Variants in ADGRD1 observed in about 807,000 individuals in gnomAD.
The protein encoded by ADGRD1 is adhesion G protein-coupled receptor D1.
In ADGRD1, 77 loss-of-function variants were observed where a neutral mutation model predicts 113.4. That is an observed-to-expected ratio of 0.68 (90% confidence interval 0.57 to 0.82). ADGRD1 has a LOEUF of 0.82. Ranked by LOEUF, ADGRD1 falls within the 40% of genes least tolerant of loss-of-function variation. The pLI is 0.00. For missense variants in ADGRD1, 1,036 were observed against 1,139.1 expected, an observed-to-expected ratio of 0.91 and a Z score of 1.30; for synonymous variants, 474 against 475.0, an observed-to-expected ratio of 1.00 and a Z score of 0.03.
chr12:131,015,958 A>G (rs1878522383), intron 13 of ADGRD1, among the ~76,000 whole-genome samples: 1 of 152,216 alleles, frequency 6.6e-6, no homozygotes, highest in African/African-American at 2.4e-5. Context: ...GCCTGTCGGC[A>G]GATGTCTAGC....
intron 13 of ADGRD1, among the ~76,000 whole-genome samples, chr12:131,015,231 A>G (rs2136821597): frequency 6.6e-6 from 1 of 152,372 alleles, no homozygotes; most frequent in African/African-American, 2.4e-5. Flanking sequence ...GGAGGGGCCC[A>G]CACACTTGTG....
At position 131,055,073 on chromosome 12, in the gene ADGRD1, CT is replaced by C. The variant is rs373579042; in HGVS notation, c.1474-21723del. On this transcript the variant is annotated intron_variant, in intron 13 of 24. Coordinates refer to ENST00000261654, the MANE Select transcript of ADGRD1 (RefSeq NM_198827.5). ...ATTTAAGTTTTGAACTTGGCCATAT[CT>C]TTTTAGTTTGGAAAGTTAGATTTTA... 3.3e-3 allele frequency among the ~76,000 whole-genome samples: 500 copies of C among 152,264 alleles called. 7 individuals are homozygous for C. Among genetic ancestry groups the C allele is most frequent in the African/African-American group, 0.01 (424 of 41,526 alleles).
At chr12:131,121,396 G>GT (rs935059815) in intron 20 of ADGRD1, among the ~76,000 whole-genome samples, 2 of 152,104 alleles carry the variant, frequency 1.3e-5, no homozygotes, top group Non-Finnish European at 2.9e-5. Context: ...TTTTGTTATT[G>GT]TTTTTTTGAG....
chr12:131,105,535 C>T (rs1167438034), intron 16 of ADGRD1, among the ~76,000 whole-genome samples: 13 of 152,208 alleles, frequency 8.5e-5, no homozygotes, highest in Non-Finnish European at 1.6e-4. Context: ...AGAGCCATGG[C>T]CCAGGGTCAG....
chr12:130,960,779 T>C (rs1402357525), intron 2 of ADGRD1, among the ~76,000 whole-genome samples: 3 of 151,642 alleles, frequency 2.0e-5, no homozygotes, highest in South Asian at 2.1e-4. Flanking sequence ...CACACAAATA[T>C]ACTAACAAAA....
chr12:131,013,906 G>A (rs11061279), intron 12 of ADGRD1, among the ~76,000 whole-genome samples: 28,410 of 152,156 alleles, frequency 0.19, 3,453 homozygotes, highest in African/African-American at 0.35. Context: ...CTTTGAGGTC[G>A]AGGGCTCTGT....
intron 13 of ADGRD1, among the ~76,000 whole-genome samples, chr12:131,019,408 C>T (rs549100479): frequency 1.1e-4 from 16 of 152,336 alleles, no homozygotes; most frequent in East Asian, 9.6e-4. Flanking sequence ...TTCGACACGA[C>T]GATCGGTCAG....
At position 130,965,721 on chromosome 12, in the gene ADGRD1, A is replaced by G. The variant is rs1372971579; in HGVS notation, c.104-742A>G. Among the ~76,000 whole-genome samples the G allele has an allele frequency of 6.6e-6, 1 of 152,270 alleles. No individual in the cohort carries two copies. The highest frequency in any genetic ancestry group is 1.5e-5 in the Non-Finnish European group (1 of 68,058). Reference sequence around the variant, plus strand: ...AAAGAAATAATTCATATAGCATTCAATGAGAAGAGCAGAATAGAAAATAAC... The same window carrying G: ...AAAGAAATAATTCATATAGCATTCAGTGAGAAGAGCAGAATAGAAAATAAC... On this transcript the variant is annotated intron_variant, in intron 2 of 24. Coordinates refer to ENST00000261654, the MANE Select transcript of ADGRD1 (RefSeq NM_198827.5). The surrounding 1 kb of genome is among the most constrained non-coding windows in gnomAD (Gnocchi z 4.8).
intron 5 of ADGRD1, among the ~76,000 whole-genome samples, chr12:130,982,799 C>T (rs1027458318): frequency 6.6e-6 from 1 of 151,878 alleles, no homozygotes; most frequent in African/African-American, 2.4e-5. Context: ...CAGAGGCTGA[C>T]GAAGGTCTGA....
chr12:131,045,963 C>G (rs367837732), intron 13 of ADGRD1, among the ~76,000 whole-genome samples: 8 of 151,706 alleles, frequency 5.3e-5, no homozygotes, highest in Non-Finnish European at 1.0e-4. Flanking sequence ...CCTCCCTGGT[C>G]AGTGTCCTCC....
chr12:131,126,292 G>C (rs949349545), intron 20 of ADGRD1, among the ~76,000 whole-genome samples: 5 of 152,132 alleles, frequency 3.3e-5, no homozygotes, highest in African/African-American at 7.2e-5. Flanking sequence ...CTCTCTCTCT[G>C]TGCTCTCTTG....
At chr12:130,998,450 T>TC (rs1875904238) in intron 8 of ADGRD1, among the ~76,000 whole-genome samples, 1 of 152,018 alleles carries the variant, frequency 6.6e-6, no homozygotes, top group South Asian at 2.1e-4. Flanking sequence ...GTTTCTTTCT[T>TC]TTTTCTTTTC....
chr12:130,994,546 C>T (rs777821798), intron 8 of ADGRD1, among the ~76,000 whole-genome samples: 4 of 152,232 alleles, frequency 2.6e-5, no homozygotes, highest in Non-Finnish European at 4.4e-5. Context: ...CCTGCAGCAT[C>T]CTCAGGAATG....
In ADGRD1 at chr12:131,124,412, T is replaced by G. The variant is rs575069968; in HGVS notation, c.2175+3499T>G. On this transcript the variant is annotated intron_variant, in intron 20 of 24. Coordinates refer to ENST00000261654, the MANE Select transcript of ADGRD1 (RefSeq NM_198827.5). ...GTTTGGGGAGTATGTGCTTCAAGAT[T>G]ATATGCACCTAAAAACACCCATGTA... 3.9e-5 allele frequency among the ~76,000 whole-genome samples: 6 copies of G among 152,318 alleles called. No homozygotes were observed. The South Asian group carries it at 6.2e-4, about 16-fold the overall frequency.
chr12:131,002,892 G>T (rs1876573511), intron 9 of ADGRD1: 17 of 1,060,664 alleles, frequency 1.6e-5, no homozygotes, highest in East Asian at 7.8e-5. Context: ...CAGGGAGGAG[G>T]CAGGACCAGG....
chr12:130,990,808 T>A (rs1874283756), intron 6 of ADGRD1: 10 of 491,260 alleles, frequency 2.0e-5, no homozygotes, highest in Non-Finnish European at 3.3e-5. Context: ...AATGGAAAAG[T>A]AATGTGACCT....
intron 8 of ADGRD1, among the ~76,000 whole-genome samples, chr12:130,997,692 C>T (rs7313771): frequency 0.29 from 43,488 of 150,200 alleles, 6,449 homozygotes; most frequent in Non-Finnish European, 0.32. Context: ...GGATGGCGGC[C>T]GGGCAGAGAC....
chr12:131,132,885 C>A (rs1353711837), intron 21 of ADGRD1, among the ~76,000 whole-genome samples: 1 of 152,216 alleles, frequency 6.6e-6, no homozygotes, highest in Non-Finnish European at 1.5e-5. Context: ...TTACTTCAGC[C>A]ACCGCGTATC....
At chr12:130,997,655 GA>G (rs1322093900) in intron 8 of ADGRD1, among the ~76,000 whole-genome samples, 1 of 151,874 alleles carries the variant, frequency 6.6e-6, no homozygotes, top group Admixed American at 6.6e-5. Flanking sequence ...TGGCGGCCGG[GA>G]AGAGGCGCTC....
Sources: allele counts gnomAD v4.1 joint callset (sites outside exome capture counted in the v4.1 genomes callset), GRCh38; gene constraint gnomAD v4.1.1; non-coding constraint Gnocchi (gnomAD v3.1); transcripts MANE v1.5; gene names NCBI Gene and HGNC (gene_info 2026-07-23, HGNC 2026-07-21).